The following KLF12 variants were observed in gnomAD, a reference collection of about 807,000 sequenced individuals.
KLF12 encodes Krueppel-like factor 12.
In KLF12, 9 loss-of-function variants were observed where a neutral mutation model predicts 37.8. The ratio of observed to expected loss-of-function variants is 0.24; its 90% confidence interval spans 0.14 to 0.42. KLF12 has a LOEUF of 0.42. KLF12 is among the 10% of genes least tolerant of loss of function. The probability of loss-of-function intolerance (pLI) is 1.00; values close to 1 mark genes in which losing one functional copy is unlikely to be tolerated. For synonymous variants in KLF12, 208 were observed against 202.1 expected (o/e 1.03, Z -0.25); for missense variants, 411 against 516.0 (o/e 0.80, Z 1.97).
chr13:74,083,493 G>GGAGACACAC (rs1875057145), intron 1 of KLF12, among the ~76,000 whole-genome samples: 24 of 136,514 alleles, frequency 1.8e-4, no homozygotes, highest in African/African-American at 6.8e-4. Context: ...GGCGATAGGA[G>GGAGACACAC]ACACACACAC....
intron 4 of KLF12, among the ~76,000 whole-genome samples, chr13:73,837,169 T>C (rs1884478313): frequency 6.6e-6 from 1 of 152,168 alleles, no homozygotes; most frequent in African/African-American, 2.4e-5. Context: ...TACTATTTAA[T>C]GCAGGGAGGT....
chr13:74,081,807 TAA>T (rs1874903926), intron 1 of KLF12, among the ~76,000 whole-genome samples: 1 of 152,124 alleles, frequency 6.6e-6, no homozygotes, highest in Non-Finnish European at 1.5e-5. Flanking sequence ...TGTCAGAAAA[TAA>T]GTCACCTTAT....
At chr13:73,960,882 T>C (rs1891001821) in intron 2 of KLF12, among the ~76,000 whole-genome samples, 1 of 152,178 alleles carries the variant, frequency 6.6e-6, no homozygotes, top group Non-Finnish European at 1.5e-5. Flanking sequence ...TATACTATTA[T>C]CTTGTGCTAA....
Position 73,944,068 on chromosome 13 carries a change from A to G in KLF12, c.36T>C (p.Asn12=), listed in dbSNP as rs751627460. The stretch of plus-strand genomic sequence containing the variant: ...ACATTCTGTTCTCAAAGGTGTTGAT[A>G]TTCTGAGAATAGAAGGGAGAGAGAA... The change falls in exon 3 of 8, where the codon AAT becomes AAC. Residue 12 remains asparagine, a splice_region_variant and synonymous_variant. Transcript: ENST00000377669. 12 of 1,593,140 alleles carry G rather than the reference A, an allele frequency of 7.5e-6. No individual in the cohort carries two copies. The highest frequency in any genetic ancestry group is 9.5e-6 in the Non-Finnish European group (11 of 1,162,538).
chr13:74,125,166 TACAC>T (rs374663142), intron 1 of KLF12, among the ~76,000 whole-genome samples: 33 of 138,846 alleles, frequency 2.4e-4, no homozygotes, highest in East Asian at 1.1e-3. Flanking sequence ...TATATATATA[TACAC>T]ACACACACAC....
At chr13:74,251,980 C>T in the KLF12 span, among the ~76,000 whole-genome samples, 3 of 152,062 alleles carry the variant, frequency 2.0e-5, no homozygotes, top group East Asian at 1.9e-4. Flanking sequence ...TGGCCAAGAA[C>T]GCAGATGGCA....
chr13:74,226,857 C>T, the KLF12 span, among the ~76,000 whole-genome samples: 1 of 152,112 alleles, frequency 6.6e-6, no homozygotes, highest in Admixed American at 6.6e-5. Flanking sequence ...ACTCCCTCTC[C>T]TTCTAGACTA....
At chr13:73,947,107 A>C (rs1413060844) in intron 2 of KLF12, among the ~76,000 whole-genome samples, 1 of 152,234 alleles carries the variant, frequency 6.6e-6, no homozygotes, top group Non-Finnish European at 1.5e-5. Flanking sequence ...CAATAGCTCA[A>C]CTGATTCCTA....
chr13:73,902,880 T>TA (rs1888100899), intron 3 of KLF12, among the ~76,000 whole-genome samples: 3 of 152,180 alleles, frequency 2.0e-5, no homozygotes, highest in South Asian at 2.1e-4. Flanking sequence ...AGGAGAAACC[T>TA]AAAAAAAATT....
the KLF12 span, among the ~76,000 whole-genome samples, chr13:74,239,998 G>A: frequency 6.7e-6 from 1 of 150,358 alleles, no homozygotes; most frequent in Admixed American, 6.6e-5. Context: ...GATGTTAGCT[G>A]GTTATTTTGC....
chr13:73,933,682 T>C (rs34656627), intron 3 of KLF12, among the ~76,000 whole-genome samples: 2 of 152,186 alleles, frequency 1.3e-5, no homozygotes, highest in Non-Finnish European at 2.9e-5. Context: ...GTTGCTGCTA[T>C]AACAAACAGA....
intron 2 of KLF12, among the ~76,000 whole-genome samples, chr13:73,968,096 T>A (rs1197876175): frequency 6.6e-6 from 1 of 152,188 alleles, no homozygotes; most frequent in Non-Finnish European, 1.5e-5. Context: ...AGCTGAATGA[T>A]CCTGGATAAG....
chr13:73,972,015 A>G (rs1891359760), intron 2 of KLF12, among the ~76,000 whole-genome samples: 1 of 152,352 alleles, frequency 6.6e-6, no homozygotes, highest in South Asian at 2.1e-4. Context: ...CGAATCATTA[A>G]GTGTTCATTA....
chr13:73,833,942 C>T (rs1472812693), intron 4 of KLF12, among the ~76,000 whole-genome samples: 1 of 152,158 alleles, frequency 6.6e-6, no homozygotes, highest in African/African-American at 2.4e-5. Context: ...CACAGCATTC[C>T]TAAGCATCTC....
At chr13:73,976,384 A>G (rs1201972054) in intron 2 of KLF12, among the ~76,000 whole-genome samples, 2 of 152,164 alleles carry the variant, frequency 1.3e-5, no homozygotes, top group Non-Finnish European at 2.9e-5. Context: ...TTGAAGTTTC[A>G]TCATCCTCAC....
At chr13:73,744,729 C>T (rs912721539) in intron 6 of KLF12, among the ~76,000 whole-genome samples, 1 of 152,112 alleles carries the variant, frequency 6.6e-6, no homozygotes, top group Admixed American at 6.5e-5. Flanking sequence ...CATGACAAAA[C>T]GATGCTCAGC....
Position 73,717,668 on chromosome 13 carries a change from T to G in KLF12, c.870-2143A>C, listed in dbSNP as rs1302761338. 2.0e-5 allele frequency among the ~76,000 whole-genome samples: 3 copies of G among 152,224 alleles called. No homozygotes were observed. The East Asian group carries it at 5.8e-4, about 29-fold the overall frequency. ...CAGTAGAATGAAAGAACATATGTTA[T>G]GTATGGCCAAGCCACTTTTTTCAGC... On this transcript the variant is annotated intron_variant, in intron 6 of 7. Coordinates refer to ENST00000377669, the MANE Select transcript of KLF12 (RefSeq NM_007249.5).
the KLF12 span, among the ~76,000 whole-genome samples, chr13:74,215,576 C>T: frequency 6.6e-6 from 1 of 152,102 alleles, no homozygotes; most frequent in Admixed American, 6.5e-5. Context: ...AGGTCCTGAA[C>T]ATCCTGATTG....
At chr13:74,243,952 T>G in the KLF12 span, among the ~76,000 whole-genome samples, 38,471 of 152,106 alleles carry the variant, frequency 0.25, 7,149 homozygotes, top group African/African-American at 0.52. Context: ...CTGTCTCACT[T>G]GTTTTAATGA....
Sources: gnomAD v4.1 joint callset for allele counts (sites outside exome capture counted in the v4.1 genomes callset) on GRCh38, gnomAD v4.1.1 for gene constraint, MANE v1.5 for transcripts, NCBI Gene and HGNC (gene_info 2026-07-23, HGNC 2026-07-21) for gene names.